Variants in CPT1A observed in about 807,000 individuals in gnomAD.
CPT1A encodes the protein carnitine O-palmitoyltransferase 1, liver isoform.
Under a neutral mutation model 100.8 loss-of-function variants are expected in CPT1A, and 64 were observed. That is an observed-to-expected ratio of 0.63 (90% confidence interval 0.52 to 0.78). The LOEUF (loss-of-function observed/expected upper bound fraction) is 0.78, where lower values mean the gene tolerates loss of function less well. Ranked by LOEUF, CPT1A falls within the 30% of genes least tolerant of loss-of-function variation. CPT1A has a pLI of 0.00. For missense variants in CPT1A, 802 were observed against 1,034.1 expected, an observed-to-expected ratio of 0.78 and a Z score of 3.08; for synonymous variants, 363 against 396.0, an observed-to-expected ratio of 0.92 and a Z score of 0.99.
At chr11:68,818,981 AGAT>A (rs1161615909) in intron 1 of CPT1A, among the ~76,000 whole-genome samples, 3 of 152,222 alleles carry the variant, frequency 2.0e-5, no homozygotes, top group Non-Finnish European at 2.9e-5. Context: ...ATCACCAAGC[AGAT>A]GTTTGCCATG....
In CPT1A at chr11:68,784,945, C is replaced by A; in HGVS notation, c.1033G>T (p.Val345Phe). 1 of 1,614,106 alleles carries A rather than the reference C, an allele frequency of 6.2e-7. No homozygotes were observed. Among genetic ancestry groups the A allele is most frequent in the Non-Finnish European group, 8.5e-7 (1 of 1,180,028 alleles). The change falls in exon 10 of 19, where the codon GTC (valine) becomes TTC (phenylalanine). Residue 345 changes from valine (V) to phenylalanine (F), a missense_variant. Around this residue, in one of 4 missense-constraint regions of CPT1A, gnomAD observed 627 missense variants for 799.3 expected, o/e 0.78. Transcript: ENST00000265641. ...VVYHRGRYFK[V>F]WLYHDGRLLK... ...AGCCGCCCATCATGGTAGAGCCAGA[C>A]CTTGAAGTAGCGTCCTCGATGGTAC...
chr11:68,761,656 G>A lies in CPT1A; in HGVS notation c.1907C>T (p.Ala636Val), dbSNP rs775438656. ...VEQRLKLFKL[A>V]SEKHQHMYRL... Reference sequence around the variant, plus strand: ...ATACATATGCTGATGCTTCTCAGACGCCAACTTGAACAACTTCAGCCTCTG... The same window carrying A: ...ATACATATGCTGATGCTTCTCAGACACCAACTTGAACAACTTCAGCCTCTG... Residue 636 changes from alanine to valine, a missense_variant, in exon 16 of 19, where the codon GCG (alanine) becomes GTG (valine). Physicochemically the swap from Ala to Val is moderately conservative, Grantham distance 64. Coordinates refer to ENST00000265641, the MANE Select transcript of CPT1A (RefSeq NM_001876.4). 3.1e-6 allele frequency: 5 copies of A among 1,614,112 alleles called. No homozygotes were observed. The highest frequency in any genetic ancestry group is 2.2e-5 in the East Asian group (1 of 44,872).
intron 14 of CPT1A, among the ~76,000 whole-genome samples, chr11:68,765,114 C>T (rs1854755225): frequency 6.6e-6 from 1 of 152,220 alleles, no homozygotes; most frequent in South Asian, 2.1e-4. Flanking sequence ...CTCCTCACTA[C>T]AGAGCACTTC....
chr11:68,773,648 T>G lies in CPT1A; in HGVS notation c.1576-219A>C, dbSNP rs768587349. On this transcript the variant is annotated intron_variant, in intron 13 of 18. Coordinates refer to ENST00000265641, the MANE Select transcript of CPT1A (RefSeq NM_001876.4). Reference sequence around the variant, plus strand: ...GTTATAGCAGGTAGCGGGTCTGACATGAGCAGGCCAGGAGAGGGCTTCCTC... The same window carrying G: ...GTTATAGCAGGTAGCGGGTCTGACAGGAGCAGGCCAGGAGAGGGCTTCCTC... The G allele has an allele frequency of 3.7e-5, 25 of 672,268 alleles. No homozygotes were observed. The South Asian group carries it at 4.7e-4, about 13-fold the overall frequency. The allele number at this position is 672,268 out of a possible 1,614,324, so 41.6% of individuals were successfully genotyped here. A position where few individuals can be genotyped will look rare whatever the true frequency, so the allele number is the denominator to read the frequency against.
At chr11:68,763,437 C>T (rs77846338) in intron 14 of CPT1A, among the ~76,000 whole-genome samples, 3,064 of 152,210 alleles carry the variant, frequency 0.02, 92 homozygotes, top group African/African-American at 0.07. Context: ...AAAGACACAA[C>T]GTATTGCCTG....
intron 1 of CPT1A, among the ~76,000 whole-genome samples, chr11:68,825,289 C>T (rs770350773): frequency 6.6e-6 from 1 of 152,134 alleles, no homozygotes; most frequent in Non-Finnish European, 1.5e-5. Flanking sequence ...CATTCATCTG[C>T]TGCAATTGGA....
intron 14 of CPT1A, among the ~76,000 whole-genome samples, chr11:68,768,396 TTTC>T (rs577685460): frequency 1.1e-3 from 165 of 149,374 alleles, no homozygotes; most frequent in African/African-American, 3.5e-3. Flanking sequence ...ACTTTTAAGA[TTTC>T]TTCTTCTTCT....
At chr11:68,789,748 T>C (rs1012803224) in intron 9 of CPT1A, among the ~76,000 whole-genome samples, 2 of 152,220 alleles carry the variant, frequency 1.3e-5, no homozygotes, top group Admixed American at 6.5e-5. Flanking sequence ...AATGCTTTTC[T>C]ATAACTCCTT....
At chr11:68,817,509 A>G (rs1383501289) in intron 1 of CPT1A, among the ~76,000 whole-genome samples, 1 of 152,196 alleles carries the variant, frequency 6.6e-6, no homozygotes. Context: ...ACGCAGGAGC[A>G]GTGCTCTGGT....
At chr11:68,802,430 GAAAA>G (rs71043451) in intron 5 of CPT1A, among the ~76,000 whole-genome samples, 3 of 143,260 alleles carry the variant, frequency 2.1e-5, no homozygotes, top group Non-Finnish European at 1.5e-5. Flanking sequence ...TCCGTCTCTG[GAAAA>G]AAAAAAAAAA....
At chr11:68,774,515 T>A (rs910576075) in intron 13 of CPT1A, among the ~76,000 whole-genome samples, 3 of 151,698 alleles carry the variant, frequency 2.0e-5, no homozygotes, top group African/African-American at 7.3e-5. Flanking sequence ...CCATCGCTGC[T>A]CACTGCACCT....
chr11:68,790,845 A>G (rs1342646303), intron 9 of CPT1A, among the ~76,000 whole-genome samples: 1 of 151,882 alleles, frequency 6.6e-6, no homozygotes, highest in Non-Finnish European at 1.5e-5. Context: ...TTTTTTTGAG[A>G]TGGAGTCTCA....
intron 3 of CPT1A, among the ~76,000 whole-genome samples, chr11:68,810,403 C>A (rs1004893687): frequency 6.6e-6 from 1 of 152,124 alleles, no homozygotes; most frequent in Non-Finnish European, 1.5e-5. Flanking sequence ...ACCTGGCAGG[C>A]GTCCCAGCCA....
intron 1 of CPT1A, among the ~76,000 whole-genome samples, chr11:68,836,973 GC>G (rs1857025486): frequency 6.6e-6 from 1 of 152,180 alleles, no homozygotes; most frequent in African/African-American, 2.4e-5. Flanking sequence ...AGGGATAAAT[GC>G]TTTTATAAAT....
intron 7 of CPT1A, 152 bp downstream of exon 7, chr11:68,796,704 G>T: frequency 1.3e-6 from 1 of 744,966 alleles, no homozygotes; most frequent in Non-Finnish European, 2.3e-6. Context: ...TACTCATAGG[G>T]TTCTCCGGCC....
At position 68,822,236 on chromosome 11, in the gene CPT1A, A is replaced by T. The variant is rs181055249; in HGVS notation, c.-13-6749T>A. ...CTGTATAATAAACAAAAATAAAAAA[A>T]AAAATAAAAATTGGGCCAGGTGCAG... On this transcript the variant is annotated intron_variant, in intron 1 of 18. Transcript: ENST00000265641. Among the ~76,000 whole-genome samples, 12 of 152,232 alleles carry T rather than the reference A, an allele frequency of 7.9e-5. 1 individual carries two copies. Among genetic ancestry groups the T allele is most frequent in the South Asian group, 4.2e-4 (2 of 4,812 alleles).
At chr11:68,833,857 A>T (rs1312140500) in intron 1 of CPT1A, among the ~76,000 whole-genome samples, 1 of 152,070 alleles carries the variant, frequency 6.6e-6, no homozygotes, top group East Asian at 1.9e-4. Flanking sequence ...AAGGATTTTC[A>T]TTATTATTTT....
intron 1 of CPT1A, among the ~76,000 whole-genome samples, chr11:68,829,735 T>C (rs887957613): frequency 6.6e-6 from 1 of 152,154 alleles, no homozygotes; most frequent in Non-Finnish European, 1.5e-5. Context: ...AGGAGGACCC[T>C]TGGGTGCTGT....
chr11:68,770,386 C>T (rs1292584117), intron 14 of CPT1A, among the ~76,000 whole-genome samples: 2 of 152,186 alleles, frequency 1.3e-5, no homozygotes, highest in Non-Finnish European at 2.9e-5. Flanking sequence ...TTCTGCTGTT[C>T]CATCTCCTGA....
Sources: allele counts gnomAD v4.1 joint callset (sites outside exome capture counted in the v4.1 genomes callset), GRCh38; gene constraint gnomAD v4.1.1; regional missense constraint gnomAD v4.1.1; transcripts MANE v1.5; gene names NCBI Gene and HGNC (gene_info 2026-07-23, HGNC 2026-07-21).